FBXW7: variants seen among roughly 807,000 people sequenced by gnomAD.
FBXW7 encodes F-box/WD repeat-containing protein 7.
In FBXW7, 11 loss-of-function variants were observed where a neutral mutation model predicts 86.3. The observed-to-expected ratio is 0.13, with a 90% confidence interval of 0.08 to 0.21. The LOEUF is 0.21. FBXW7 is among the 10% of genes least tolerant of loss of function. The probability of loss-of-function intolerance (pLI) is 1.00; values close to 1 mark genes in which losing one functional copy is unlikely to be tolerated. For synonymous variants in FBXW7, 313 were observed against 297.9 expected, an observed-to-expected ratio of 1.05 and a Z score of -0.52; for missense variants, 488 against 847.4, an observed-to-expected ratio of 0.58 and a Z score of 5.27.
At chr4:152,475,017 A>C (rs1744269955) in intron 2 of FBXW7, among the ~76,000 whole-genome samples, 1 of 151,966 alleles carries the variant, frequency 6.6e-6, no homozygotes, top group Non-Finnish European at 1.5e-5. Flanking sequence ...TGGGAGAATC[A>C]CTTGAACCCA....
At chr4:152,403,860 T>A (rs917880933) in intron 4 of FBXW7, among the ~76,000 whole-genome samples, 2 of 152,106 alleles carry the variant, frequency 1.3e-5, no homozygotes, top group African/African-American at 4.8e-5. Context: ...AAACAGACTC[T>A]GAAATTGCTC....
chr4:152,498,680 AAAC>A (rs1256537333), intron 2 of FBXW7, among the ~76,000 whole-genome samples: 1 of 152,224 alleles, frequency 6.6e-6, no homozygotes, highest in Non-Finnish European at 1.5e-5. Flanking sequence ...CTTAATGTCT[AAAC>A]AAGTGCTACT....
At chr4:152,381,890 T>C (rs1337951462) in intron 4 of FBXW7, among the ~76,000 whole-genome samples, 1 of 152,166 alleles carries the variant, frequency 6.6e-6, no homozygotes, top group African/African-American at 2.4e-5. Context: ...TTTACAGTGC[T>C]AATATTTGTC....
chr4:152,359,428 C>G (rs775753984), intron 4 of FBXW7, among the ~76,000 whole-genome samples: 3 of 151,708 alleles, frequency 2.0e-5, no homozygotes, highest in Non-Finnish European at 2.9e-5. Context: ...TAGCAAGACC[C>G]CATTTCTATA....
chr4:152,399,656 A>G (rs975474913), intron 4 of FBXW7, among the ~76,000 whole-genome samples: 2 of 152,188 alleles, frequency 1.3e-5, no homozygotes, highest in African/African-American at 2.4e-5. Flanking sequence ...TTTCCTACAC[A>G]CCAGCAATGA....
At chr4:152,439,460 T>G (rs999412068) in intron 2 of FBXW7, among the ~76,000 whole-genome samples, 1 of 152,140 alleles carries the variant, frequency 6.6e-6, no homozygotes, top group Non-Finnish European at 1.5e-5. Context: ...ATTACAAGTT[T>G]ACACAGGAAC....
intron 5 of FBXW7, among the ~76,000 whole-genome samples, chr4:152,349,018 T>C (rs952603842): frequency 3.9e-5 from 6 of 152,196 alleles, no homozygotes; most frequent in Middle Eastern, 3.4e-3. Context: ...ACTATTCCAA[T>C]TATGATGATT....
chr4:152,374,166 C>A (rs140246340), intron 4 of FBXW7, among the ~76,000 whole-genome samples: 136 of 151,926 alleles, frequency 9.0e-4, no homozygotes, highest in African/African-American at 2.3e-3. Context: ...ACAAAACAAA[C>A]CAAAAAAACC....
intron 2 of FBXW7, among the ~76,000 whole-genome samples, chr4:152,504,271 G>A (rs1200000253): frequency 2.6e-5 from 4 of 152,062 alleles, no homozygotes; most frequent in Non-Finnish European, 5.9e-5. Flanking sequence ...AATTTACATT[G>A]AAATTTAAAG....
At chr4:152,450,384 T>C (rs993464087) in intron 2 of FBXW7, among the ~76,000 whole-genome samples, 1 of 152,228 alleles carries the variant, frequency 6.6e-6, no homozygotes, top group Non-Finnish European at 1.5e-5. Context: ...TACACAGCTA[T>C]TCATCGAAAG....
chr4:152,382,778 A>G (rs923228290), intron 4 of FBXW7, among the ~76,000 whole-genome samples: 1 of 152,174 alleles, frequency 6.6e-6, no homozygotes, highest in African/African-American at 2.4e-5. Flanking sequence ...TTGAGTATCT[A>G]TTAAGTCTTC....
intron 2 of FBXW7, among the ~76,000 whole-genome samples, chr4:152,494,917 G>A (rs1328503888): frequency 2.6e-5 from 4 of 152,222 alleles, no homozygotes; most frequent in Admixed American, 2.0e-4. Flanking sequence ...CAAATATAAG[G>A]AAGTTTTAAG....
At chr4:152,507,626 T>C (rs116677611) in intron 2 of FBXW7, among the ~76,000 whole-genome samples, 2,308 of 152,258 alleles carry the variant, frequency 0.015, 62 homozygotes, top group African/African-American at 0.052. Context: ...ATACAAGTAC[T>C]GGGGGCAGGG....
intron 6 of FBXW7, among the ~76,000 whole-genome samples, chr4:152,342,911 C>T (rs114644406): frequency 0.014 from 2,168 of 152,294 alleles, 22 homozygotes; most frequent in African/African-American, 0.024. Flanking sequence ...AAGTCTTTCA[C>T]ACAAAACAAG....
At chr4:152,410,383 C>T (rs1299742223) in intron 4 of FBXW7, among the ~76,000 whole-genome samples, 1 of 152,118 alleles carries the variant, frequency 6.6e-6, no homozygotes, top group Non-Finnish European at 1.5e-5. Context: ...GGCTGAGATC[C>T]AAAGCTACTG....
chr4:152,514,553 G>T (rs1748284761), intron 2 of FBXW7, among the ~76,000 whole-genome samples: 1 of 152,150 alleles, frequency 6.6e-6, no homozygotes, highest in Admixed American at 6.5e-5. Context: ...ACAGTGGGAG[G>T]TGCCTGGGTC....
Position 152,521,809 on chromosome 4 carries a change from A to ATTTT in FBXW7, c.-120+13128_-120+13131dup, listed in dbSNP as rs575881137. On this transcript the variant is annotated intron_variant, in intron 2 of 13. Transcript: ENST00000281708. ...ATGGACAAGGAATGGTAAGGGTCCA[A>ATTTT]TTTTTTTTTTTTTTTTTTTTTTTTT... Among the ~76,000 whole-genome samples, 48 of 100,744 alleles carry ATTTT rather than the reference A, an allele frequency of 4.8e-4. 1 individual carries two copies. The highest frequency in any genetic ancestry group is 1.4e-3 in the African/African-American group (31 of 21,608). The allele number at this position is 100,744 out of a possible 152,430, so 66.1% of individuals were successfully genotyped here. A position where few individuals can be genotyped will look rare whatever the true frequency, so the allele number is the denominator to read the frequency against.
intron 4 of FBXW7, among the ~76,000 whole-genome samples, chr4:152,368,825 G>A (rs960361976): frequency 6.6e-6 from 1 of 151,950 alleles, no homozygotes; most frequent in Non-Finnish European, 1.5e-5. Flanking sequence ...CATTTATTCT[G>A]AACATCTGAG....
chr4:152,474,828 G>A (rs1464976855), intron 2 of FBXW7, among the ~76,000 whole-genome samples: 1 of 152,020 alleles, frequency 6.6e-6, no homozygotes. Flanking sequence ...ACCACTCCCA[G>A]CTAATTTTTG....
Sources: allele counts gnomAD v4.1 joint callset (sites outside exome capture counted in the v4.1 genomes callset), GRCh38; gene constraint gnomAD v4.1.1; transcripts MANE v1.5; gene names NCBI Gene and HGNC (gene_info 2026-07-23, HGNC 2026-07-21).